The following HSD17B12 variants were observed in gnomAD, a reference collection of about 807,000 sequenced individuals.
The protein encoded by HSD17B12 is hydroxysteroid 17-beta dehydrogenase 12, also known as very-long-chain 3-oxoacyl-CoA reductase.
A neutral mutation model predicts 39.3 loss-of-function variants in HSD17B12; 32 were observed. The ratio of observed to expected loss-of-function variants is 0.81; its 90% CI spans 0.61 to 1.09. HSD17B12 has a LOEUF of 1.09. Ranked by LOEUF, HSD17B12 falls within the 50% of genes least tolerant of loss-of-function variation. The pLI is 0.00. For missense variants in HSD17B12, 342 were observed against 382.9 expected (o/e 0.89, Z 0.89); for synonymous variants, 150 against 146.7 (o/e 1.02, Z -0.16).
At chr11:43,790,598 T>C (rs961898877) in intron 3 of HSD17B12, among the ~76,000 whole-genome samples, 1 of 152,214 alleles carries the variant, frequency 6.6e-6, no homozygotes, top group African/African-American at 2.4e-5. Flanking sequence ...GGGTGGTGTG[T>C]ACAGCATGGA....
chr11:43,697,145 A>G (rs1181824503), intron 1 of HSD17B12, among the ~76,000 whole-genome samples: 1 of 152,200 alleles, frequency 6.6e-6, no homozygotes, highest in East Asian at 1.9e-4. Context: ...AGAAACTTTC[A>G]CATTCTGCAC....
At chr11:43,610,089 C>G in the HSD17B12 span, among the ~76,000 whole-genome samples, 1 of 152,178 alleles carries the variant, frequency 6.6e-6, no homozygotes, top group Non-Finnish European at 1.5e-5. Flanking sequence ...TTTCCCACCC[C>G]TTTTCCCTAA....
Position 43,761,496 on chromosome 11 carries a change from GGAACAACCATTTTA to G in HSD17B12, c.283+7378_283+7391del, listed in dbSNP as rs562049586. ...ACCACCCCAAACTTATTGTGGTAAA[GGAACAACCATTTTA>G]GATGCTCACAAGTTTTTCTGGTCAG... On this transcript the variant is annotated intron_variant, in intron 3 of 10. Coordinates refer to ENST00000278353, the MANE Select transcript of HSD17B12 (RefSeq NM_016142.3). Among the ~76,000 whole-genome samples the G allele has an allele frequency of 2.3e-3, 353 of 152,330 alleles. 1 individual carries two copies. Among genetic ancestry groups the G allele is most frequent in the African/African-American group, 8.1e-3 (337 of 41,588 alleles).
intron 6 of HSD17B12, among the ~76,000 whole-genome samples, chr11:43,819,383 G>C (rs367783377): frequency 6.6e-6 from 1 of 152,104 alleles, no homozygotes. Flanking sequence ...CAGTCATCCT[G>C]CTGTGCTTCA....
chr11:43,757,845 G>A (rs1950525409), intron 3 of HSD17B12, among the ~76,000 whole-genome samples: 2 of 152,112 alleles, frequency 1.3e-5, no homozygotes, highest in Admixed American at 1.3e-4. Flanking sequence ...TTCGCAAGGT[G>A]ATAAAAGGGC....
At chr11:43,679,429 AT>A (rs1288871422), upstream of HSD17B12, among the ~76,000 whole-genome samples, 1 of 152,188 alleles carries the variant, frequency 6.6e-6, no homozygotes, top group African/African-American at 2.4e-5. Context: ...AGATGACATA[AT>A]TGTATATTTA....
At chr11:43,616,415 A>AC in the HSD17B12 span, among the ~76,000 whole-genome samples, 44 of 133,470 alleles carry the variant, frequency 3.3e-4, 3 homozygotes, top group East Asian at 6.6e-3. Flanking sequence ...TCTAAAAAAA[A>AC]AACAAAAAAC....
At chr11:43,771,101 A>G (rs1467984084) in intron 3 of HSD17B12, among the ~76,000 whole-genome samples, 2 of 152,196 alleles carry the variant, frequency 1.3e-5, no homozygotes, top group Non-Finnish European at 2.9e-5. Context: ...TTTTCTCCCC[A>G]GAGGGAGCCA....
At chr11:43,589,097 CAAGGAAAAAAAT>C in the HSD17B12 span, among the ~76,000 whole-genome samples, 1 of 150,748 alleles carries the variant, frequency 6.6e-6, no homozygotes, top group Non-Finnish European at 1.5e-5. Context: ...CAATTTCCAC[CAAGGAAAAAAAT>C]AAGGAAAAAT....
Position 43,783,822 on chromosome 11 carries a change from A to G in HSD17B12, c.284-14498A>G, listed in dbSNP as rs550619218. Among the ~76,000 whole-genome samples, 99 of 152,294 alleles carry G rather than the reference A, an allele frequency of 6.5e-4. 1 individual carries two copies. Among genetic ancestry groups the G allele is most frequent in the Non-Finnish European group, 1.1e-3 (76 of 68,020 alleles). The stretch of plus-strand genomic sequence containing the variant: ...TATCACATTATAAATTGAAACTGAG[A>G]AACTTAAAAAATAATTATTTAACTC... On this transcript the variant is annotated intron_variant, in intron 3 of 10. Coordinates refer to ENST00000278353, the MANE Select transcript of HSD17B12 (RefSeq NM_016142.3).
chr11:43,751,011 G>T, intron 2 of HSD17B12, 54 bp downstream of exon 2: 2 of 1,159,450 alleles, frequency 1.7e-6, no homozygotes, highest in South Asian at 1.4e-5. Flanking sequence ...AATAAATATG[G>T]GATGATTTCT....
At chr11:43,679,142 G>T (rs572389900), upstream of HSD17B12, among the ~76,000 whole-genome samples, 9 of 152,240 alleles carry the variant, frequency 5.9e-5, no homozygotes, top group South Asian at 1.7e-3. Context: ...CCTTGAAGAG[G>T]TCCTTCACAT....
At chr11:43,817,382 TGCATTC>T (rs991414922) in intron 6 of HSD17B12, among the ~76,000 whole-genome samples, 1 of 152,196 alleles carries the variant, frequency 6.6e-6, no homozygotes, top group Non-Finnish European at 1.5e-5. Context: ...TTGTTTTTAT[TGCATTC>T]GCTTTTGGGT....
At chr11:43,703,033 TG>T (rs1285819769) in intron 1 of HSD17B12, among the ~76,000 whole-genome samples, 5 of 151,780 alleles carry the variant, frequency 3.3e-5, no homozygotes, top group Non-Finnish European at 5.9e-5. Context: ...TTGTTGTTGT[TG>T]TTTTTTTTGT....
chr11:43,650,504 C>T, the HSD17B12 span, among the ~76,000 whole-genome samples: 1 of 152,128 alleles, frequency 6.6e-6, no homozygotes, highest in South Asian at 2.1e-4. Flanking sequence ...AACCCTCATA[C>T]ACTGCTGGTG....
At chr11:43,646,429 C>A in the HSD17B12 span, 1 of 152,162 alleles carries the variant, frequency 6.6e-6, no homozygotes, top group African/African-American at 2.4e-5. Flanking sequence ...TGGTCAAATA[C>A]TATTGTTCTG....
chr11:43,757,873 G>A (rs1950525605), intron 3 of HSD17B12, among the ~76,000 whole-genome samples: 1 of 152,040 alleles, frequency 6.6e-6, no homozygotes, highest in Non-Finnish European at 1.5e-5. Flanking sequence ...ACGGCCTGTT[G>A]CCCATATAAC....
chr11:43,785,270 G>A (rs1270346773), intron 3 of HSD17B12, among the ~76,000 whole-genome samples: 1 of 151,874 alleles, frequency 6.6e-6, no homozygotes, highest in African/African-American at 2.4e-5. Flanking sequence ...TGGTTAAGGG[G>A]GATAACAACA....
At chr11:43,600,846 T>C in the HSD17B12 span, among the ~76,000 whole-genome samples, 1 of 151,578 alleles carries the variant, frequency 6.6e-6, no homozygotes, top group South Asian at 2.1e-4. Flanking sequence ...ATTTAAGAGG[T>C]TGCTGTTGTT....
Sources: gnomAD v4.1 joint callset for allele counts (sites outside exome capture counted in the v4.1 genomes callset) on GRCh38, gnomAD v4.1.1 for gene constraint, MANE v1.5 for transcripts, NCBI Gene and HGNC (gene_info 2026-07-23, HGNC 2026-07-21) for gene names.